The following CACNA1E variants were observed in gnomAD, a reference collection of about 807,000 sequenced individuals.
CACNA1E encodes voltage-dependent R-type calcium channel subunit alpha-1E.
Under a neutral mutation model 259.2 loss-of-function variants are expected in CACNA1E, and 40 were observed. The ratio of observed to expected loss-of-function variants is 0.15; its 90% CI spans 0.12 to 0.20. The LOEUF (loss-of-function observed/expected upper bound fraction) is 0.20, where lower values mean the gene tolerates loss of function less well. Ranked by LOEUF, CACNA1E falls within the 10% of genes least tolerant of loss-of-function variation. The probability of loss-of-function intolerance (pLI) is 1.00; values close to 1 mark genes in which losing one functional copy is unlikely to be tolerated. For synonymous variants in CACNA1E, 1,104 were observed against 1,138.5 expected, an observed-to-expected ratio of 0.97 and a Z score of 0.61; for missense variants, 1,874 against 3,040.1, an observed-to-expected ratio of 0.62 and a Z score of 9.02.
intron 3 of CACNA1E, among the ~76,000 whole-genome samples, chr1:181,529,309 A>G (rs1182680255): frequency 1.3e-5 from 2 of 152,240 alleles, no homozygotes; most frequent in African/African-American, 4.8e-5. Flanking sequence ...CAGAAGTTGT[A>G]TGGAAATGCC....
intron 6 of CACNA1E, among the ~76,000 whole-genome samples, chr1:181,593,454 C>CT (rs1285876053): frequency 6.6e-6 from 1 of 152,194 alleles, no homozygotes; most frequent in South Asian, 2.1e-4. Context: ...AAAAGTGGCA[C>CT]TTTAATAGTT....
At chr1:181,598,371 G>T (rs1275019471) in intron 6 of CACNA1E, among the ~76,000 whole-genome samples, 1 of 152,076 alleles carries the variant, frequency 6.6e-6, no homozygotes, top group Non-Finnish European at 1.5e-5. Flanking sequence ...AGGCAGTGGC[G>T]GTGTTCTCTC....
chr1:181,689,836 T>C (rs1650961344), intron 7 of CACNA1E, among the ~76,000 whole-genome samples: 1 of 152,202 alleles, frequency 6.6e-6, no homozygotes, highest in Admixed American at 6.5e-5. Flanking sequence ...TTTTTTTTCT[T>C]GTAAATTTGT....
At chr1:181,753,167 C>T (rs951464068) in intron 27 of CACNA1E, among the ~76,000 whole-genome samples, 10 of 152,224 alleles carry the variant, frequency 6.6e-5, no homozygotes, top group African/African-American at 2.2e-4. Flanking sequence ...GAATACTTCC[C>T]AGCAAGCAGA....
At chr1:181,735,030 A>G (rs1558324384) in intron 21 of CACNA1E, among the ~76,000 whole-genome samples, 1 of 152,014 alleles carries the variant, frequency 6.6e-6, no homozygotes, top group Admixed American at 6.5e-5. Context: ...CTTTTTCTGT[A>G]TTTACTCTTT....
chr1:181,335,329 G>T (rs1028999890), intron 1 of CACNA1E, among the ~76,000 whole-genome samples: 1 of 152,198 alleles, frequency 6.6e-6, no homozygotes, highest in Admixed American at 6.5e-5. Flanking sequence ...AGTCTTGACT[G>T]CACATAATGT....
chr1:181,790,307 T>TTAA (rs34600959), intron 43 of CACNA1E, 138 bp from the exon 44 acceptor site: 73 of 437,278 alleles, frequency 1.7e-4, no homozygotes, highest in Admixed American at 2.9e-4. Context: ...TTTTTTTTTT[T>TTAA]AATTTCAGGA....
At chr1:181,340,536 A>G (rs1652073025) in intron 1 of CACNA1E, among the ~76,000 whole-genome samples, 2 of 152,102 alleles carry the variant, frequency 1.3e-5, no homozygotes, top group South Asian at 4.1e-4. Context: ...AAATTTCTTT[A>G]TTCATGAATG....
intron 2 of CACNA1E, among the ~76,000 whole-genome samples, 158 bp downstream of exon 2, chr1:181,510,740 A>T (rs926725915): frequency 1.5e-4 from 23 of 152,334 alleles, no homozygotes; most frequent in African/African-American, 5.5e-4. Context: ...ATGGGGATTC[A>T]CACGGAAAAG....
chr1:181,599,877 T>C (rs1222406365), intron 6 of CACNA1E, among the ~76,000 whole-genome samples: 2 of 152,242 alleles, frequency 1.3e-5, no homozygotes, highest in Non-Finnish European at 2.9e-5. Context: ...GCACCGATTA[T>C]AGCTAGGCAT....
intron 1 of CACNA1E, among the ~76,000 whole-genome samples, chr1:181,355,481 G>A (rs370743317): frequency 2.0e-4 from 31 of 152,176 alleles, no homozygotes; most frequent in African/African-American, 6.7e-4. Context: ...CCAGGTACTC[G>A]GGAGGCTAAG....
chr1:181,700,305 G>A (rs1328633330), intron 7 of CACNA1E, among the ~76,000 whole-genome samples: 1 of 152,168 alleles, frequency 6.6e-6, no homozygotes, highest in Admixed American at 6.5e-5. Flanking sequence ...ACCTGGAATT[G>A]AGCTAACCTC....
intron 7 of CACNA1E, among the ~76,000 whole-genome samples, chr1:181,697,090 A>C (rs967762417): frequency 6.6e-6 from 1 of 152,200 alleles, no homozygotes; most frequent in Non-Finnish European, 1.5e-5. Context: ...CTTTCATCTG[A>C]GTACATCCTC....
chr1:181,515,223 C>T (rs1666484775), intron 3 of CACNA1E, among the ~76,000 whole-genome samples: 1 of 152,164 alleles, frequency 6.6e-6, no homozygotes, highest in Non-Finnish European at 1.5e-5. Flanking sequence ...TGGGGCTTCA[C>T]ATGTGAGTTG....
Position 181,536,264 on chromosome 1 carries a change from A to G in CACNA1E, c.512+24754A>G, listed in dbSNP as rs542853668. 1.6e-4 allele frequency among the ~76,000 whole-genome samples: 25 copies of G among 152,124 alleles called. No individual in the cohort carries two copies. In the East Asian group the frequency reaches 4.1e-3, roughly 25 times the overall value. On this transcript the variant is annotated intron_variant, in intron 3 of 47. Coordinates refer to ENST00000367573, the MANE Select transcript of CACNA1E (RefSeq NM_001205293.3). ...ATTCTTTATTTGTAGCACTTGTTTT[A>G]AATGATGTTGGAATTTCTTCCCTCT...
intron 32 of CACNA1E, among the ~76,000 whole-genome samples, chr1:181,761,525 T>C (rs1213104807): frequency 6.6e-6 from 1 of 152,218 alleles, no homozygotes; most frequent in East Asian, 1.9e-4. Flanking sequence ...TTGTGTTTTA[T>C]TCCAAGGATA....
At chr1:181,705,689 G>A (rs564868052) in intron 7 of CACNA1E, among the ~76,000 whole-genome samples, 50 of 152,348 alleles carry the variant, frequency 3.3e-4, no homozygotes, top group African/African-American at 9.9e-4. Flanking sequence ...AATTGGGTAA[G>A]GAGAAGTATC....
At chr1:181,553,619 G>A (rs1648417237) in intron 3 of CACNA1E, among the ~76,000 whole-genome samples, 1 of 152,174 alleles carries the variant, frequency 6.6e-6, no homozygotes, top group African/African-American at 2.4e-5. Flanking sequence ...TGCCCATTCA[G>A]TGTGATATTG....
At chr1:181,402,260 G>A (rs1000308430) in intron 1 of CACNA1E, among the ~76,000 whole-genome samples, 8 of 152,150 alleles carry the variant, frequency 5.3e-5, no homozygotes, top group East Asian at 1.9e-4. Flanking sequence ...GAATATTATG[G>A]TGAAGACAGG....
Sources: gnomAD v4.1 joint callset for allele counts (sites outside exome capture counted in the v4.1 genomes callset) on GRCh38, gnomAD v4.1.1 for gene constraint, MANE v1.5 for transcripts, NCBI Gene and HGNC (gene_info 2026-07-23, HGNC 2026-07-21) for gene names.